The following ETV6 variants were observed in gnomAD, a reference collection of about 807,000 sequenced individuals.
ETV6 encodes the protein transcription factor ETV6.
Under a neutral mutation model 51.1 loss-of-function variants are expected in ETV6, and 16 were observed. The ratio of observed to expected loss-of-function variants is 0.31; its 90% CI spans 0.21 to 0.48. ETV6 has a LOEUF of 0.48. Among genes scored for constraint, ETV6 ranks in the 20% least tolerant of loss-of-function variants. ETV6 has a pLI of 0.99. For missense variants in ETV6, 458 were observed against 594.8 expected, an observed-to-expected ratio of 0.77 and a Z score of 2.39; for synonymous variants, 240 against 224.1, an observed-to-expected ratio of 1.07 and a Z score of -0.64.
Position 11,894,059 on chromosome 12 carries a change from C to G in ETV6, c.*3013C>G, listed in dbSNP as rs918222385. ...CAGCACCTGGATACAGTATTTACAC[C>G]CTGCAGACCCTAAAGATTTCAGATT... On this transcript the variant is annotated 3_prime_UTR_variant, in exon 8 of 8. Transcript: ENST00000396373. The G allele has an allele frequency of 1.5e-4, 34 of 227,000 alleles. No individual in the cohort carries two copies. Among genetic ancestry groups the G allele is most frequent in the African/African-American group, 6.9e-4 (31 of 44,980 alleles). The allele number at this position is 227,000 out of a possible 1,614,324, so 14.1% of individuals were successfully genotyped here.
At chr12:11,747,775 C>G (rs1267823747) in intron 1 of ETV6, among the ~76,000 whole-genome samples, 1 of 152,184 alleles carries the variant, frequency 6.6e-6, no homozygotes, top group South Asian at 2.1e-4. Flanking sequence ...CTCTAGAGCT[C>G]AAATTTCAGC....
At chr12:11,837,593 T>G (rs994500300) in intron 2 of ETV6, among the ~76,000 whole-genome samples, 4 of 152,224 alleles carry the variant, frequency 2.6e-5, no homozygotes, top group Non-Finnish European at 5.9e-5. Context: ...AGATTGTTCT[T>G]TGGCATGCCT....
At chr12:11,874,521 CAT>C (rs1403485094) in intron 5 of ETV6, among the ~76,000 whole-genome samples, 591 of 4,126 alleles carry the variant, frequency 0.14, 175 homozygotes, top group African/African-American at 0.15. Flanking sequence ...TGTGTACACA[CAT>C]ATATGTGTAT....
intron 2 of ETV6, among the ~76,000 whole-genome samples, chr12:11,755,406 G>C (rs1437304923): frequency 6.6e-6 from 1 of 152,168 alleles, no homozygotes; most frequent in African/African-American, 2.4e-5. Flanking sequence ...TTGGTAGTCT[G>C]CATGAGACCT....
At chr12:11,708,277 C>G (rs1439439675) in intron 1 of ETV6, among the ~76,000 whole-genome samples, 1 of 148,860 alleles carries the variant, frequency 6.7e-6, no homozygotes, top group Non-Finnish European at 1.5e-5. Context: ...AAAAAAAGAA[C>G]AAGAATGTAG....
intron 7 of ETV6, among the ~76,000 whole-genome samples, chr12:11,887,280 C>G (rs200860967): frequency 6.6e-6 from 1 of 152,174 alleles, no homozygotes; most frequent in East Asian, 1.9e-4. Flanking sequence ...CGACACACAA[C>G]TTCATTTATC....
intron 1 of ETV6, among the ~76,000 whole-genome samples, chr12:11,742,805 C>CTTTTTT (rs751007395): frequency 1.0e-4 from 8 of 78,680 alleles, no homozygotes; most frequent in Non-Finnish European, 1.2e-4. Context: ...TTCTTTCTTT[C>CTTTTTT]TTTTTTTTTT....
intron 4 of ETV6, among the ~76,000 whole-genome samples, chr12:11,866,707 A>C (rs1402271946): frequency 2.0e-5 from 3 of 152,202 alleles, no homozygotes; most frequent in Non-Finnish European, 4.4e-5. Flanking sequence ...TCAAACTCTG[A>C]ACTCTGTCTC....
At chr12:11,791,151 GT>G (rs1463011701) in intron 2 of ETV6, among the ~76,000 whole-genome samples, 8 of 152,024 alleles carry the variant, frequency 5.3e-5, no homozygotes, top group Non-Finnish European at 1.2e-4. Context: ...GCTTTCTTGG[GT>G]TTGCTAAGTA....
chr12:11,717,186 C>T (rs1865294017), intron 1 of ETV6, among the ~76,000 whole-genome samples: 1 of 152,170 alleles, frequency 6.6e-6, no homozygotes, highest in African/African-American at 2.4e-5. Context: ...CTGCTCAGTT[C>T]CATTTTCTTC....
chr12:11,656,579 A>G (rs1397279188), intron 1 of ETV6, among the ~76,000 whole-genome samples: 4 of 152,230 alleles, frequency 2.6e-5, no homozygotes, highest in African/African-American at 9.6e-5. Context: ...TAAGTTTTCC[A>G]TATTTACCCC....
chr12:11,737,354 A>G (rs1236661191), intron 1 of ETV6, among the ~76,000 whole-genome samples: 1 of 152,196 alleles, frequency 6.6e-6, no homozygotes, highest in East Asian at 1.9e-4. Flanking sequence ...ACGCAGTTCT[A>G]AGAGGTGTTC....
chr12:11,707,236 C>A (rs11054424), intron 1 of ETV6, among the ~76,000 whole-genome samples: 1 of 152,024 alleles, frequency 6.6e-6, no homozygotes, highest in East Asian at 1.9e-4. Context: ...ATCACATTCC[C>A]TGCTTCTCAA....
intron 1 of ETV6, among the ~76,000 whole-genome samples, chr12:11,738,142 G>A (rs1865738741): frequency 6.6e-6 from 1 of 152,010 alleles, no homozygotes; most frequent in South Asian, 2.1e-4. Context: ...ATCAGTCACA[G>A]CATAGAAAGC....
chr12:11,806,009 A>G (rs923277276), intron 2 of ETV6, among the ~76,000 whole-genome samples: 1 of 152,234 alleles, frequency 6.6e-6, no homozygotes, highest in African/African-American at 2.4e-5. Context: ...ATACCTTGTC[A>G]GGTACTTTTT....
chr12:11,869,419 C>T lies in ETV6; in HGVS notation c.464-5C>T, dbSNP rs1356564786. On this transcript the variant is annotated splice_polypyrimidine_tract_variant and splice_region_variant and intron_variant, in intron 4 of 7. Transcript: ENST00000396373. The surrounding 1 kb of genome is among the most constrained non-coding windows in gnomAD (Gnocchi z 5.0). ...TCTGTGATTGTCTTTCCCTCTGCTCCACAGATAACTGTGTCCAGAGGACCC... is the reference window on the plus strand; with the variant it reads ...TCTGTGATTGTCTTTCCCTCTGCTCTACAGATAACTGTGTCCAGAGGACCC... 2 of 1,599,064 alleles carry T rather than the reference C, an allele frequency of 1.3e-6. No individual in the cohort carries two copies. The highest frequency in any genetic ancestry group is 1.7e-6 in the Non-Finnish European group (2 of 1,171,534).
intron 1 of ETV6, among the ~76,000 whole-genome samples, chr12:11,657,548 C>T (rs1272969216): frequency 1.3e-5 from 2 of 152,172 alleles, no homozygotes; most frequent in Non-Finnish European, 2.9e-5. Context: ...GGCTAAGCTT[C>T]AGTTACGTGG....
At position 11,800,529 on chromosome 12, in the gene ETV6, G is replaced by A. The variant is rs568003029; in HGVS notation, c.164-38611G>A. Among the ~76,000 whole-genome samples, 254 of 151,678 alleles carry A rather than the reference G, an allele frequency of 1.7e-3. 7 individuals carry two copies. The South Asian group carries it at 0.05, about 30-fold the overall frequency. On this transcript the variant is annotated intron_variant, in intron 2 of 7. Transcript: ENST00000396373. ...AGCTTATTCCTCCCATCTAACTGAC[G>A]TTTTGTATCCTTTGACCAACACCTC...
At chr12:11,814,309 A>C (rs1240616460) in intron 2 of ETV6, among the ~76,000 whole-genome samples, 1 of 152,248 alleles carries the variant, frequency 6.6e-6, no homozygotes, top group Non-Finnish European at 1.5e-5. Flanking sequence ...GTACCAACTT[A>C]AAATGTTTTA....
Sources: allele counts gnomAD v4.1 joint callset (sites outside exome capture counted in the v4.1 genomes callset), GRCh38; gene constraint gnomAD v4.1.1; non-coding constraint Gnocchi (gnomAD v3.1); transcripts MANE v1.5; gene names NCBI Gene and HGNC (gene_info 2026-07-23, HGNC 2026-07-21).